Variants in PCDHA6 observed in about 807,000 individuals in gnomAD.
The protein encoded by PCDHA6 is protocadherin alpha-6.
Under a neutral mutation model 60.3 loss-of-function variants are expected in PCDHA6, and 55 were observed. That is an observed-to-expected ratio of 0.91 (90% CI 0.73 to 1.14). PCDHA6 has a LOEUF of 1.14. PCDHA6 is among the 50% of genes most tolerant of loss of function. PCDHA6 has a pLI of 0.00. For missense variants in PCDHA6, 1,327 were observed against 1,256.5 expected (o/e 1.06, Z -0.85); for synonymous variants, 652 against 557.9 (o/e 1.17, Z -2.38).
At chr5:140,868,550 T>A (rs2050522684) in intron 1 of PCDHA6, 1 of 152,704 alleles carries the variant, frequency 6.5e-6, no homozygotes, top group South Asian at 2.1e-4. Flanking sequence ...AATTTGATAG[T>A]ATTTTTATAT....
chr5:140,918,868 T>C (rs1584116749), intron 1 of PCDHA6, among the ~76,000 whole-genome samples: 1 of 152,216 alleles, frequency 6.6e-6, no homozygotes, highest in Admixed American at 6.5e-5. Context: ...TCATGAACTT[T>C]CAAGCCTCTA....
At chr5:140,972,854 G>C (rs895738831) in intron 1 of PCDHA6, among the ~76,000 whole-genome samples, 1 of 151,946 alleles carries the variant, frequency 6.6e-6, no homozygotes, top group African/African-American at 2.4e-5. Context: ...AGTAGAGATG[G>C]GGTTTCATCA....
chr5:140,977,335 A>T (rs1341928835), intron 1 of PCDHA6, among the ~76,000 whole-genome samples: 19 of 152,322 alleles, frequency 1.2e-4, no homozygotes, highest in Admixed American at 1.1e-3. Context: ...GAGGGGAGAG[A>T]CGGTGATGAT....
chr5:141,003,608 C>T (rs951443168), intron 3 of PCDHA6, among the ~76,000 whole-genome samples: 3 of 152,136 alleles, frequency 2.0e-5, no homozygotes, highest in East Asian at 1.9e-4. Flanking sequence ...CCACCATTCC[C>T]GGCCCCAGAG....
At chr5:140,862,688 A>G in intron 1 of PCDHA6, 1 of 553,472 alleles carries the variant, frequency 1.8e-6, no homozygotes, top group Non-Finnish European at 3.6e-6. Flanking sequence ...CTGGTGTCCT[A>G]CTCGTTGATG....
At chr5:140,916,539 A>G (rs114063131) in intron 1 of PCDHA6, among the ~76,000 whole-genome samples, 1,727 of 152,262 alleles carry the variant, frequency 0.011, 30 homozygotes, top group African/African-American at 0.038. Context: ...CACCAAGGCA[A>G]TGGGTTTTCT....
At chr5:140,883,105 C>T in intron 1 of PCDHA6, 1 of 1,614,056 alleles carries the variant, frequency 6.2e-7, no homozygotes, top group Non-Finnish European at 8.5e-7. Context: ...ATATAGTTTA[C>T]TCATTTAGAA....
chr5:140,855,175 T>C (rs1554147660), intron 1 of PCDHA6, among the ~76,000 whole-genome samples: 1 of 149,898 alleles, frequency 6.7e-6, no homozygotes, highest in African/African-American at 2.4e-5. Context: ...TGAAAACAAA[T>C]GTGGCCAAAT....
intron 1 of PCDHA6, among the ~76,000 whole-genome samples, chr5:140,922,031 G>T (rs933616833): frequency 6.6e-6 from 1 of 152,010 alleles, no homozygotes; most frequent in African/African-American, 2.4e-5. Context: ...TATAAAAAAT[G>T]TAATTTTCCC....
chr5:140,870,883 C>A (rs782137761), intron 1 of PCDHA6: 1 of 1,613,920 alleles, frequency 6.2e-7, no homozygotes, highest in Non-Finnish European at 8.5e-7. Context: ...GGCGAAGGTG[C>A]GCGCAGTGGA....
chr5:140,838,040 G>T (rs1775384058), intron 1 of PCDHA6, among the ~76,000 whole-genome samples: 1 of 149,654 alleles, frequency 6.7e-6, no homozygotes, highest in Non-Finnish European at 1.5e-5. Context: ...CTACCTTTCT[G>T]CACTTTTTGG....
chr5:140,845,304 G>T (rs180945662), intron 1 of PCDHA6, among the ~76,000 whole-genome samples: 1 of 149,326 alleles, frequency 6.7e-6, no homozygotes, highest in African/African-American at 2.4e-5. Context: ...ATGTCTACCT[G>T]GTTCTCAGGT....
intron 1 of PCDHA6, among the ~76,000 whole-genome samples, chr5:140,838,613 A>AT (rs1775803010): frequency 2.0e-5 from 3 of 152,150 alleles, no homozygotes; most frequent in Non-Finnish European, 4.4e-5. Flanking sequence ...ACTTTTAAAA[A>AT]TTTTTTACAA....
At chr5:140,871,596 C>G in intron 1 of PCDHA6, 2 of 1,453,962 alleles carry the variant, frequency 1.4e-6, no homozygotes, top group South Asian at 2.9e-5. Flanking sequence ...TATGAATAAC[C>G]AGTGTTTTGA....
chr5:140,883,905 G>C (rs781818160), intron 1 of PCDHA6: 1 of 1,613,458 alleles, frequency 6.2e-7, no homozygotes, highest in South Asian at 1.1e-5. Flanking sequence ...CCGCCTCTGG[G>C]CAGCAACGTG....
Position 140,843,144 on chromosome 5 carries a change from C to T in PCDHA6, c.2394+12659C>T, listed in dbSNP as rs1554139783. ...GACTCGGGCTACAACGCGTGGCTTT[C>T]GTATGAGCTGCAGCCAGCTGCAAGC... On this transcript the variant is annotated intron_variant, in intron 1 of 3. Transcript: ENST00000529310. The T allele has an allele frequency of 2.4e-5, 39 of 1,596,036 alleles. 4 individuals are homozygous for T. Among genetic ancestry groups the T allele is most frequent in the Non-Finnish European group, 3.3e-5 (39 of 1,165,590 alleles).
rs142570778 is a variant in PCDHA6 at position 141,009,810 on chromosome 5, A to G, written c.2726A>G (p.Asp909Gly). ...CAGGAGCCTACTAACAGCCAAATTG[A>G]CAAAAGTGACTTCATAACCTTCGGC... ...IRQEPTNSQI[D>G]KSDFITFGKK... The change falls in exon 4 of 4, where the codon GAC (aspartate) becomes GGC (glycine). Residue 909 changes from aspartate to glycine, a missense_variant. Asp to Gly is a moderately conservative substitution (Grantham distance 94). Transcript: ENST00000529310. 8 of 1,614,016 alleles carry G rather than the reference A, an allele frequency of 5.0e-6. No individual in the cohort carries two copies. Among genetic ancestry groups the G allele is most frequent in the Admixed American group, 3.3e-5 (2 of 60,000 alleles).
chr5:140,841,238 G>T, intron 1 of PCDHA6: 1 of 1,482,530 alleles, frequency 6.7e-7, no homozygotes, highest in Non-Finnish European at 9.1e-7. Flanking sequence ...GAGATGCAGC[G>T]GAATTGGATT....
rs2150158749 is a variant in PCDHA6 at position 140,828,774 on chromosome 5, T to G, written c.683T>G (p.Leu228Arg). Residue 228 changes from leucine (L) to arginine (R), a missense_variant, in exon 1 of 4, where the codon CTG (leucine) becomes CGG (arginine). Coordinates refer to ENST00000529310, the MANE Select transcript of PCDHA6 (RefSeq NM_018909.4). ...CCTGAGCTCACAGGCACTGTTCAGC[T>G]GCTGGTCACAGTGCTGGATGTGAAT... is the stretch of plus-strand genomic sequence containing the variant. ...GKPELTGTVQ[L>R]LVTVLDVNDN... The G allele has an allele frequency of 6.2e-7, 1 of 1,614,198 alleles. No individual in the cohort carries two copies. The highest frequency in any genetic ancestry group is 1.7e-5 in the Admixed American group (1 of 60,020).
Sources: allele counts gnomAD v4.1 joint callset (sites outside exome capture counted in the v4.1 genomes callset), GRCh38; gene constraint gnomAD v4.1.1; transcripts MANE v1.5; gene names NCBI Gene and HGNC (gene_info 2026-07-23, HGNC 2026-07-21).